MYO1H: variants seen among roughly 807,000 people sequenced by gnomAD.
MYO1H encodes the protein unconventional myosin-Ih.
A neutral mutation model predicts 149.3 loss-of-function variants in MYO1H; 118 were observed. That is an observed-to-expected ratio of 0.79 (90% CI 0.68 to 0.92). MYO1H has a LOEUF of 0.92. Ranked by LOEUF, MYO1H falls within the 40% of genes least tolerant of loss-of-function variation. The pLI is 0.00. For missense variants in MYO1H, 1,212 were observed against 1,280.7 expected, an observed-to-expected ratio of 0.95 and a Z score of 0.82; for synonymous variants, 447 against 465.2, an observed-to-expected ratio of 0.96 and a Z score of 0.50.
chr12:109,382,190 T>C (rs1384625213), intron 1 of MYO1H, among the ~76,000 whole-genome samples: 1 of 152,184 alleles, frequency 6.6e-6, no homozygotes, highest in Non-Finnish European at 1.5e-5. Context: ...AAGTATAATA[T>C]GCTGCCTATG....
the MYO1H span, among the ~76,000 whole-genome samples, chr12:109,339,042 A>T: frequency 6.6e-6 from 1 of 152,132 alleles, no homozygotes; most frequent in South Asian, 2.1e-4. Flanking sequence ...GTAAATTTTC[A>T]GGAGGAAAGA....
At position 109,409,034 on chromosome 12, in the gene MYO1H, G is replaced by A. The variant is rs182101815; in HGVS notation, c.1156-523G>A. On this transcript the variant is annotated intron_variant, in intron 10 of 31. Coordinates refer to ENST00000310903, the Ensembl canonical transcript of MYO1H. ...TCAAACTCCTGGCCACAAGTGATCCGCCTGCCTCAGCCTCCCAAAGTGCTG... is the reference window on the plus strand; with the variant it reads ...TCAAACTCCTGGCCACAAGTGATCCACCTGCCTCAGCCTCCCAAAGTGCTG... Among the ~76,000 whole-genome samples the A allele has an allele frequency of 2.2e-3, 330 of 151,922 alleles. 4 individuals carry two copies. The highest frequency in any genetic ancestry group is 0.01 in the Middle Eastern group (3 of 294).
chr12:109,358,795 ATT>A lies in MYO1H; in HGVS notation c.12+10837_12+10838del, dbSNP rs11327582. On this transcript the variant is annotated intron_variant, in intron 1 of 31. Transcript: ENST00000310903. ...TCAGATAATCTGGCGAGGCTTTAAG[ATT>A]TTTTTTTTTTTTTCCTCCACCACTT... Among the ~76,000 whole-genome samples, 594 of 123,468 alleles carry A rather than the reference ATT, an allele frequency of 4.8e-3. 3 individuals carry two copies. Among genetic ancestry groups the A allele is most frequent in the South Asian group, 0.017 (63 of 3,794 alleles). 81.0% of individuals were successfully genotyped at this position (123,468 alleles called of 152,430 possible). A position where few individuals can be genotyped will look rare whatever the true frequency, so the allele number is the denominator to read the frequency against.
chr12:109,327,756 A>G, the MYO1H span, among the ~76,000 whole-genome samples: 7 of 149,184 alleles, frequency 4.7e-5, no homozygotes, highest in Non-Finnish European at 8.9e-5. Context: ...AAAAAAAAAA[A>G]AGAAAGAAAA....
intron 28 of MYO1H, 142 bp downstream of exon 28, chr12:109,443,791 TA>T: frequency 1.2e-6 from 1 of 852,510 alleles, no homozygotes. Context: ...TAGTCTCAGC[TA>T]CTCGGAAGGC....
intron 1 of MYO1H, among the ~76,000 whole-genome samples, chr12:109,369,890 A>G (rs771623858): frequency 3.9e-5 from 6 of 152,230 alleles, no homozygotes; most frequent in Non-Finnish European, 8.8e-5. Flanking sequence ...ACGGACTCAC[A>G]GTTCCACATG....
chr12:109,367,510 G>T (rs571010541), intron 1 of MYO1H, among the ~76,000 whole-genome samples: 1 of 152,058 alleles, frequency 6.6e-6, no homozygotes, highest in Admixed American at 6.5e-5. Context: ...GGAAGTTGCG[G>T]CAATCTTTTA....
At chr12:109,409,663 T>G (rs758506327) in intron 11 of MYO1H, 39 bp downstream of exon 11, 1 of 1,475,302 alleles carries the variant, frequency 6.8e-7, no homozygotes, top group Admixed American at 1.7e-5. Flanking sequence ...TCTTTTGCCC[T>G]TTTTTAAGAT....
chr12:109,334,394 T>A, the MYO1H span, among the ~76,000 whole-genome samples: 4 of 152,112 alleles, frequency 2.6e-5, no homozygotes, highest in African/African-American at 9.7e-5. Context: ...CAGGCTGGTC[T>A]TGAACTCCTG....
At chr12:109,417,494 A>G (rs1172444823) in intron 15 of MYO1H, among the ~76,000 whole-genome samples, 1 of 151,492 alleles carries the variant, frequency 6.6e-6, no homozygotes, top group Non-Finnish European at 1.5e-5. Flanking sequence ...CACCTGGATA[A>G]TTTTTTGCAT....
At chr12:109,368,902 A>G (rs138254855) in intron 1 of MYO1H, among the ~76,000 whole-genome samples, 24 of 152,112 alleles carry the variant, frequency 1.6e-4, no homozygotes, top group Non-Finnish European at 1.3e-4. Context: ...TTGTGAGAAC[A>G]TGCCATAATT....
chr12:109,408,274 C>T (rs557270449), intron 10 of MYO1H, among the ~76,000 whole-genome samples: 1 of 152,142 alleles, frequency 6.6e-6, no homozygotes, highest in South Asian at 2.1e-4. Context: ...TGGGCTTAAG[C>T]AATTCTCCTA....
intron 1 of MYO1H, among the ~76,000 whole-genome samples, chr12:109,370,484 TCA>T (rs915513268): frequency 6.6e-6 from 1 of 152,196 alleles, no homozygotes; most frequent in African/African-American, 2.4e-5. Context: ...GTTTATACTT[TCA>T]CAAAGAGGAA....
the MYO1H span, among the ~76,000 whole-genome samples, chr12:109,332,077 A>G: frequency 2.7e-3 from 413 of 152,340 alleles, 1 homozygote; most frequent in Non-Finnish European, 4.3e-3. Context: ...AATACTCAGC[A>G]CAGTGTCTGG....
intron 1 of MYO1H, among the ~76,000 whole-genome samples, chr12:109,366,300 C>T (rs555108797): frequency 1.3e-5 from 2 of 152,318 alleles, no homozygotes; most frequent in South Asian, 2.1e-4. Flanking sequence ...AATCTAAGTC[C>T]TGTCAACTTC....
chr12:109,330,220 A>C, the MYO1H span, among the ~76,000 whole-genome samples: 1 of 152,216 alleles, frequency 6.6e-6, no homozygotes, highest in African/African-American at 2.4e-5. Flanking sequence ...ACCTCTCTGT[A>C]AGTCTAAAAT....
chr12:109,365,946 T>C (rs1274944763), intron 1 of MYO1H, among the ~76,000 whole-genome samples: 1 of 152,162 alleles, frequency 6.6e-6, no homozygotes, highest in Non-Finnish European at 1.5e-5. Context: ...CGTGGCAGCA[T>C]TAGACTCTCA....
chr12:109,396,640 A>C lies in MYO1H; in HGVS notation c.489+58A>C, dbSNP rs1592791837. ...TTCCAGGGAGGTCACTAAGTGAGACAAATCCTGTCTGGGCAGGTCAGTCAA... is the reference window on the plus strand; with the variant it reads ...TTCCAGGGAGGTCACTAAGTGAGACCAATCCTGTCTGGGCAGGTCAGTCAA... On this transcript the variant is annotated intron_variant, in intron 4 of 31. Coordinates refer to ENST00000310903, the Ensembl canonical transcript of MYO1H. The C allele has an allele frequency of 6.4e-6, 9 of 1,411,374 alleles. No homozygotes were observed. The East Asian group carries it at 2.0e-4, about 32-fold the overall frequency. The allele number at this position is 1,411,374 out of a possible 1,614,324, so 87.4% of individuals were successfully genotyped here.
rs1268203707 is a variant in MYO1H, at chr12:109,409,662, CTTT to C, written c.1223+42_1223+44del. The C allele has an allele frequency of 2.0e-6, 3 of 1,511,502 alleles. No individual in the cohort carries two copies. The African/African-American group carries it at 4.1e-5, about 21-fold the overall frequency. 93.6% of individuals were successfully genotyped at this position (1,511,502 alleles called of 1,614,324 possible). ...ATTACCTACCTATCTGTCTTTTGCC[CTTT>C]TTTAAGATTTCAGTCGAGATTTAAA... On this transcript the variant is annotated intron_variant, in intron 11 of 31. Coordinates refer to ENST00000310903, the Ensembl canonical transcript of MYO1H.
Sources: allele counts gnomAD v4.1 joint callset (sites outside exome capture counted in the v4.1 genomes callset), GRCh38; gene constraint gnomAD v4.1.1; transcripts MANE v1.5; gene names NCBI Gene and HGNC (gene_info 2026-07-23, HGNC 2026-07-21).